FRMD4B: variants seen among roughly 807,000 people sequenced by gnomAD.
The protein encoded by FRMD4B is FERM domain containing 4B.
Under a neutral mutation model 141.5 loss-of-function variants are expected in FRMD4B, and 74 were observed. The ratio of observed to expected loss-of-function variants is 0.52; its 90% CI spans 0.43 to 0.63. The LOEUF (loss-of-function observed/expected upper bound fraction) is 0.63, where lower values mean the gene tolerates loss of function less well. Among genes scored for constraint, FRMD4B ranks in the 30% least tolerant of loss-of-function variants. The pLI is 0.00. For missense variants in FRMD4B, 1,366 were observed against 1,253.4 expected, an observed-to-expected ratio of 1.09 and a Z score of -1.36; for synonymous variants, 506 against 467.9, an observed-to-expected ratio of 1.08 and a Z score of -1.05.
intron 1 of FRMD4B, among the ~76,000 whole-genome samples, chr3:69,436,920 C>T (rs942106649): frequency 6.6e-6 from 1 of 152,056 alleles, no homozygotes; most frequent in Admixed American, 6.5e-5. Context: ...TAATTATTAT[C>T]TAGAACAGTT....
At chr3:69,306,054 T>A (rs574122976) in intron 3 of FRMD4B, among the ~76,000 whole-genome samples, 2 of 152,318 alleles carry the variant, frequency 1.3e-5, no homozygotes, top group South Asian at 2.1e-4. Context: ...GCATATATTA[T>A]AAGAAATAGT....
At chr3:69,223,357 T>A (rs1448598581) in intron 8 of FRMD4B, among the ~76,000 whole-genome samples, 4 of 151,910 alleles carry the variant, frequency 2.6e-5, no homozygotes, top group African/African-American at 9.7e-5. Flanking sequence ...CTACTGAAGA[T>A]ACAAAACATT....
intron 19 of FRMD4B, among the ~76,000 whole-genome samples, chr3:69,183,684 T>G (rs961898583): frequency 5.3e-5 from 8 of 151,718 alleles, no homozygotes; most frequent in East Asian, 1.9e-4. Context: ...GGGTTTCACC[T>G]TGTTAGCCAG....
chr3:69,250,158 G>C, intron 5 of FRMD4B, 59 bp from the exon 6 acceptor site: 1 of 1,180,078 alleles, frequency 8.5e-7, no homozygotes, highest in Non-Finnish European at 1.3e-6. Context: ...TGTAGCAAAT[G>C]GCTCTGAAGT....
intron 1 of FRMD4B, among the ~76,000 whole-genome samples, chr3:69,368,891 G>C (rs1454461330): frequency 6.6e-6 from 1 of 152,110 alleles, no homozygotes; most frequent in Non-Finnish European, 1.5e-5. Context: ...GAACTCTTGG[G>C]CTCAAGCAAT....
At chr3:69,369,376 G>C (rs994179094) in intron 1 of FRMD4B, among the ~76,000 whole-genome samples, 1 of 152,136 alleles carries the variant, frequency 6.6e-6, no homozygotes, top group African/African-American at 2.4e-5. Flanking sequence ...AAAAAGGGTA[G>C]AAAGAACATA....
chr3:69,252,565 T>G lies in FRMD4B; in HGVS notation c.502-2466A>C, dbSNP rs1194510048. 3.3e-5 allele frequency among the ~76,000 whole-genome samples: 5 copies of G among 152,374 alleles called. No homozygotes were observed. In the East Asian group the frequency reaches 9.6e-4, roughly 29 times the overall value. On this transcript the variant is annotated intron_variant, in intron 5 of 22. Transcript: ENST00000398540. ...ACAAATTTTGAGTCCTAATACTGAC[T>G]GCCAAAGTTCTTTGACTCATTCACG...
At chr3:69,460,072 C>T (rs758188550) in intron 1 of FRMD4B, among the ~76,000 whole-genome samples, 3 of 152,172 alleles carry the variant, frequency 2.0e-5, no homozygotes, top group African/African-American at 4.8e-5. Context: ...TCTGTCAGCA[C>T]GCACGACCCC....
At chr3:69,303,520 C>T (rs1396260617) in intron 3 of FRMD4B, among the ~76,000 whole-genome samples, 4 of 152,096 alleles carry the variant, frequency 2.6e-5, no homozygotes, top group Non-Finnish European at 5.9e-5. Flanking sequence ...AAACTGATAA[C>T]ACTAGTTGAC....
intron 1 of FRMD4B, among the ~76,000 whole-genome samples, chr3:69,498,618 T>C (rs537153035): frequency 5.3e-5 from 8 of 152,364 alleles, no homozygotes; most frequent in Middle Eastern, 3.4e-3. Flanking sequence ...TACTGTGCTA[T>C]ATGAATATAC....
chr3:69,212,011 T>C (rs563185982), intron 11 of FRMD4B, among the ~76,000 whole-genome samples: 73 of 136,752 alleles, frequency 5.3e-4, no homozygotes, highest in Middle Eastern at 3.8e-3. Flanking sequence ...AAATAAACAA[T>C]GGCACAGAGT....
intron 1 of FRMD4B, among the ~76,000 whole-genome samples, chr3:69,481,213 C>T (rs1017267153): frequency 6.6e-5 from 10 of 151,940 alleles, no homozygotes; most frequent in Admixed American, 6.6e-4. Context: ...GTGTGCTGCA[C>T]CCACTGTCCT....
chr3:69,386,613 C>T (rs562013727), upstream of FRMD4B, among the ~76,000 whole-genome samples: 2 of 152,274 alleles, frequency 1.3e-5, no homozygotes, highest in Non-Finnish European at 2.9e-5. Flanking sequence ...GGACCCTACT[C>T]CTGGGGGAAT....
At chr3:69,268,081 A>T (rs2093576483) in intron 5 of FRMD4B, among the ~76,000 whole-genome samples, 1 of 151,914 alleles carries the variant, frequency 6.6e-6, no homozygotes. Context: ...CCTATTCTGA[A>T]GTCTTGAGTC....
At chr3:69,528,499 C>T (rs1484975239) in intron 1 of FRMD4B, among the ~76,000 whole-genome samples, 4 of 152,044 alleles carry the variant, frequency 2.6e-5, no homozygotes, top group South Asian at 4.2e-4. Flanking sequence ...TGAGTAGCTG[C>T]GACTACAGGC....
chr3:69,391,244 T>TTA (rs200640844), intron 2 of FRMD4B, among the ~76,000 whole-genome samples: 3,230 of 145,854 alleles, frequency 0.022, 112 homozygotes, highest in African/African-American at 0.075. Context: ...ATTTATTTAT[T>TTA]TTTATTTTTT....
chr3:69,416,278 A>C (rs1704857826), intron 2 of FRMD4B, among the ~76,000 whole-genome samples: 1 of 152,178 alleles, frequency 6.6e-6, no homozygotes, highest in Non-Finnish European at 1.5e-5. Context: ...CTTTATTAAA[A>C]ATTTTTTTGT....
At chr3:69,349,312 T>G (rs1473928496) in intron 1 of FRMD4B, among the ~76,000 whole-genome samples, 3 of 151,922 alleles carry the variant, frequency 2.0e-5, no homozygotes, top group East Asian at 1.9e-4. Flanking sequence ...CACTGCTCAA[T>G]GAAATAAAAG....
chr3:69,385,861 C>T lies in FRMD4B; in HGVS notation c.129G>A (p.Leu43=). The T allele has an allele frequency of 6.3e-7, 1 of 1,598,080 alleles. No homozygotes were observed. Among genetic ancestry groups the T allele is most frequent in the Non-Finnish European group, 8.5e-7 (1 of 1,172,936 alleles). ...CGTCCTGCAGCCCGCACCACGTCCGCAGCACCTGGTGGCAAGCCCGCAGCC... is the reference window on the plus strand; with the variant it reads ...CGTCCTGCAGCCCGCACCACGTCCGTAGCACCTGGTGGCAAGCCCGCAGCC... ...TERLRACHQV[L]RTWCGLQDVY... Residue 43 remains leucine, a synonymous_variant, in exon 1 of 23, where the codon CTG becomes CTA. Coordinates refer to ENST00000398540, the MANE Select transcript of FRMD4B (RefSeq NM_015123.3).
Sources: gnomAD v4.1 joint callset for allele counts (sites outside exome capture counted in the v4.1 genomes callset) on GRCh38, gnomAD v4.1.1 for gene constraint, MANE v1.5 for transcripts, NCBI Gene and HGNC (gene_info 2026-07-23, HGNC 2026-07-21) for gene names.